The following MAD1L1 variants were observed in gnomAD, a reference collection of about 807,000 sequenced individuals.
MAD1L1 encodes the protein mitotic arrest deficient 1 like 1.
MAD1L1 carries 95 observed loss-of-function variants against 96.9 expected under a neutral mutation model. The ratio of observed to expected loss-of-function variants is 0.98; its 90% CI spans 0.83 to 1.16. The LOEUF is 1.16. Ranked by LOEUF, MAD1L1 falls within the 50% of genes most tolerant of loss-of-function variation. The probability of loss-of-function intolerance (pLI) is 0.00; values close to 1 mark genes in which losing one functional copy is unlikely to be tolerated. For synonymous variants in MAD1L1, 473 were observed against 396.6 expected (o/e 1.19, Z -2.29); for missense variants, 1,007 against 954.4 (o/e 1.06, Z -0.73).
chr7:2,206,382 T>C (rs1015854884), intron 10 of MAD1L1, among the ~76,000 whole-genome samples: 1 of 152,222 alleles, frequency 6.6e-6, no homozygotes, highest in Admixed American at 6.5e-5. Flanking sequence ...TCATGTTCGT[T>C]GTATTGTAAG....
At chr7:2,115,894 C>T (rs1227897300) in intron 11 of MAD1L1, among the ~76,000 whole-genome samples, 1 of 152,228 alleles carries the variant, frequency 6.6e-6, no homozygotes, top group African/African-American at 2.4e-5. Context: ...CCCACTTCCC[C>T]TTCCTCCTGC....
At chr7:1,849,861 G>C (rs962420852) in intron 18 of MAD1L1, 2 of 152,184 alleles carry the variant, frequency 1.3e-5, no homozygotes, top group African/African-American at 4.8e-5. Flanking sequence ...CTCCCTGGAC[G>C]GGGGGCGGGC....
chr7:1,981,773 C>G (rs565447327), intron 14 of MAD1L1, among the ~76,000 whole-genome samples: 1 of 152,274 alleles, frequency 6.6e-6, no homozygotes, highest in African/African-American at 2.4e-5. Context: ...TGGGGGCCAG[C>G]AGGAGCCTGG....
chr7:2,007,209 G>C (rs1308757274), intron 13 of MAD1L1, among the ~76,000 whole-genome samples: 1 of 152,340 alleles, frequency 6.6e-6, no homozygotes, highest in Admixed American at 6.5e-5. Flanking sequence ...AGTCACTGGA[G>C]ACACACAGAT....
At chr7:2,026,447 A>G (rs935686261) in intron 12 of MAD1L1, among the ~76,000 whole-genome samples, 2 of 152,244 alleles carry the variant, frequency 1.3e-5, no homozygotes, top group African/African-American at 4.8e-5. Flanking sequence ...TTAACAAATG[A>G]TATGTAGCTA....
At chr7:1,872,061 G>A (rs897520379) in intron 18 of MAD1L1, among the ~76,000 whole-genome samples, 1 of 152,164 alleles carries the variant, frequency 6.6e-6, no homozygotes, top group African/African-American at 2.4e-5. Context: ...ACAGATACAG[G>A]CCCAAACAGC....
Position 1,960,911 on chromosome 7 carries a change from T to A in MAD1L1, c.1506-3192A>T, listed in dbSNP as rs536854597. Among the ~76,000 whole-genome samples, 4 of 152,330 alleles carry A rather than the reference T, an allele frequency of 2.6e-5. No individual in the cohort carries two copies. The East Asian group carries it at 7.7e-4, about 29-fold the overall frequency. Reference sequence around the variant, plus strand: ...AACCATAAAAGAAGGCTCAGTCTATTTAGGAATTTCATAATTCTAACTATG... The same window carrying A: ...AACCATAAAAGAAGGCTCAGTCTATATAGGAATTTCATAATTCTAACTATG... On this transcript the variant is annotated intron_variant, in intron 15 of 18. Coordinates refer to ENST00000265854, the MANE Select transcript of MAD1L1 (RefSeq NM_001013836.2).
At chr7:2,035,159 A>G (rs1235187730) in intron 12 of MAD1L1, among the ~76,000 whole-genome samples, 1 of 152,298 alleles carries the variant, frequency 6.6e-6, no homozygotes, top group Non-Finnish European at 1.5e-5. Flanking sequence ...GAGGGGCCAC[A>G]TGACCCCACA....
intron 12 of MAD1L1, among the ~76,000 whole-genome samples, chr7:2,019,540 G>A (rs1259713544): frequency 6.6e-6 from 1 of 152,218 alleles, no homozygotes; most frequent in Non-Finnish European, 1.5e-5. Context: ...GTGCTTAAAA[G>A]GTGCACCAGG....
At chr7:2,179,809 A>C (rs1246396523) in intron 10 of MAD1L1, among the ~76,000 whole-genome samples, 2 of 151,990 alleles carry the variant, frequency 1.3e-5, no homozygotes. Flanking sequence ...ATCCCTACTA[A>C]AAATACAAAA....
At chr7:2,196,467 A>G (rs1791989897) in intron 10 of MAD1L1, among the ~76,000 whole-genome samples, 1 of 152,238 alleles carries the variant, frequency 6.6e-6, no homozygotes. Context: ...GGCATCTTCC[A>G]AAAGATTGCA....
chr7:2,081,984 A>G (rs761741022), intron 11 of MAD1L1, among the ~76,000 whole-genome samples: 32 of 152,292 alleles, frequency 2.1e-4, no homozygotes, highest in African/African-American at 5.8e-4. Context: ...CTGATCATGG[A>G]GATTAGGAGA....
intron 17 of MAD1L1, among the ~76,000 whole-genome samples, chr7:1,903,236 G>A (rs1348731277): frequency 6.6e-6 from 1 of 151,118 alleles, no homozygotes; most frequent in East Asian, 2.0e-4. Context: ...ACTGTTCCAG[G>A]CAGTGAGGAC....
At chr7:2,040,614 G>A (rs1171714698) in intron 12 of MAD1L1, among the ~76,000 whole-genome samples, 21 of 152,192 alleles carry the variant, frequency 1.4e-4, no homozygotes, top group Admixed American at 1.4e-3. Flanking sequence ...CTTCCCAGCT[G>A]CTATTTACCT....
intron 10 of MAD1L1, among the ~76,000 whole-genome samples, chr7:2,189,662 G>A (rs1361457000): frequency 3.3e-5 from 5 of 152,220 alleles, no homozygotes; most frequent in Admixed American, 1.3e-4. Context: ...GGGAGCGAGC[G>A]TTTAATGGGT....
chr7:1,827,562 CGTCCCGGG>C (rs2128624491), intron 18 of MAD1L1, among the ~76,000 whole-genome samples: 7 of 128,016 alleles, frequency 5.5e-5, no homozygotes, highest in African/African-American at 1.7e-4. Flanking sequence ...CTCCTGAGCC[CGTCCCGGG>C]TGTGGCATCC....
intron 18 of MAD1L1, among the ~76,000 whole-genome samples, chr7:1,836,366 G>A (rs564104811): frequency 5.6e-4 from 85 of 152,260 alleles, no homozygotes; most frequent in African/African-American, 2.0e-3. Flanking sequence ...TGGGTTTGGG[G>A]TCAGCTTCTT....
At chr7:2,134,349 C>G (rs184103691) in intron 11 of MAD1L1, among the ~76,000 whole-genome samples, 161 of 152,322 alleles carry the variant, frequency 1.1e-3, no homozygotes, top group African/African-American at 3.6e-3. Flanking sequence ...ATACCCTGCT[C>G]TCTCTCACCA....
intron 10 of MAD1L1, among the ~76,000 whole-genome samples, chr7:2,187,072 C>T (rs188019220): frequency 6.6e-5 from 10 of 152,178 alleles, no homozygotes; most frequent in Admixed American, 3.3e-4. Context: ...GGACTACAGG[C>T]GTGAGTCACT....
Sources: gnomAD v4.1 joint callset for allele counts (sites outside exome capture counted in the v4.1 genomes callset) on GRCh38, gnomAD v4.1.1 for gene constraint, MANE v1.5 for transcripts, NCBI Gene and HGNC (gene_info 2026-07-23, HGNC 2026-07-21) for gene names.